The following NKAIN2 variants were observed in gnomAD, a reference collection of about 807,000 sequenced individuals.
NKAIN2 encodes the protein sodium/potassium transporting ATPase interacting 2.
A neutral mutation model predicts 32.6 loss-of-function variants in NKAIN2; 14 were observed. That is an observed-to-expected ratio of 0.43 (90% CI 0.28 to 0.67). NKAIN2 has a LOEUF of 0.67. Ranked by LOEUF, NKAIN2 falls within the 30% of genes least tolerant of loss-of-function variation. The probability of loss-of-function intolerance (pLI) is 0.17; values close to 1 mark genes in which losing one functional copy is unlikely to be tolerated. For missense variants in NKAIN2, 198 were observed against 258.3 expected (o/e 0.77, Z 1.60); for synonymous variants, 80 against 87.2 (o/e 0.92, Z 0.46).
rs568315182 is a variant in NKAIN2, at chr6:124,765,708, G to A, written c.475-25631G>A. Among the ~76,000 whole-genome samples the A allele has an allele frequency of 4.0e-3, 604 of 152,308 alleles. 3 individuals are homozygous for A. The highest frequency in any genetic ancestry group is 6.7e-3 in the Non-Finnish European group (453 of 68,024). On this transcript the variant is annotated intron_variant, in intron 4 of 6. Transcript: ENST00000368417. ...TTGGTAGATACTGAATTTCTCTGCAGAAGTTCCTTCTATTGTGTACCACCA... is the reference window on the plus strand; with the variant it reads ...TTGGTAGATACTGAATTTCTCTGCAAAAGTTCCTTCTATTGTGTACCACCA...
chr6:123,939,394 A>G (rs2114548440), intron 1 of NKAIN2, among the ~76,000 whole-genome samples: 2 of 152,042 alleles, frequency 1.3e-5, no homozygotes, highest in South Asian at 4.1e-4. Flanking sequence ...TATCCTCATA[A>G]CCCATTTACT....
At chr6:123,938,686 G>A (rs1169110759) in intron 1 of NKAIN2, among the ~76,000 whole-genome samples, 1 of 145,870 alleles carries the variant, frequency 6.9e-6, no homozygotes. Context: ...TGCATTTATT[G>A]ACTATTGCAA....
chr6:124,632,347 A>AAGTT (rs1240649813), intron 3 of NKAIN2, among the ~76,000 whole-genome samples: 4 of 152,182 alleles, frequency 2.6e-5, no homozygotes, highest in African/African-American at 9.7e-5. Flanking sequence ...AAGAAGGCAT[A>AAGTT]AGTTATGGCT....
intron 2 of NKAIN2, among the ~76,000 whole-genome samples, chr6:124,322,397 TA>T (rs771836714): frequency 5.9e-5 from 9 of 152,308 alleles, no homozygotes; most frequent in South Asian, 2.1e-4. Context: ...ATATTCTATT[TA>T]ACTATAGCGC....
chr6:123,923,155 C>T (rs1189000607), intron 1 of NKAIN2, among the ~76,000 whole-genome samples: 1 of 152,010 alleles, frequency 6.6e-6, no homozygotes, highest in African/African-American at 2.4e-5. Context: ...AAAAAAAACC[C>T]ACAAACACCT....
rs374716396 is a variant in NKAIN2 at position 124,385,224 on chromosome 6, G to A, written c.273+29877G>A. Among the ~76,000 whole-genome samples the A allele has an allele frequency of 3.3e-5, 5 of 152,196 alleles. No homozygotes were observed. In the East Asian group the frequency reaches 7.7e-4, roughly 24 times the overall value. On this transcript the variant is annotated intron_variant, in intron 3 of 6. Transcript: ENST00000368417. ...TAAAAAGTTCTGTTGGACATTTAAA[G>A]GCCAATTGGAGGGCAATGCCATCAG...
chr6:124,074,993 G>A (rs1178649827), intron 1 of NKAIN2, among the ~76,000 whole-genome samples: 1 of 152,060 alleles, frequency 6.6e-6, no homozygotes, highest in Admixed American at 6.5e-5. Flanking sequence ...GTTAATATTA[G>A]AATAATGAAG....
intron 1 of NKAIN2, among the ~76,000 whole-genome samples, chr6:123,867,970 G>C (rs911934265): frequency 5.3e-5 from 8 of 150,656 alleles, no homozygotes. Context: ...CCAGGTTCAT[G>C]CCATTCTCCT....
chr6:124,587,187 AC>A (rs1311923163), intron 3 of NKAIN2, among the ~76,000 whole-genome samples: 1 of 152,130 alleles, frequency 6.6e-6, no homozygotes. Flanking sequence ...AAGAACCAAA[AC>A]TTTTTTTGTT....
intron 3 of NKAIN2, among the ~76,000 whole-genome samples, chr6:124,454,349 T>C (rs1263595010): frequency 6.6e-6 from 1 of 151,886 alleles, no homozygotes; most frequent in African/African-American, 2.4e-5. Flanking sequence ...TAAATAAAAT[T>C]GTAGAGGTGA....
intron 2 of NKAIN2, among the ~76,000 whole-genome samples, chr6:124,302,884 G>T (rs1438827198): frequency 6.6e-6 from 1 of 152,148 alleles, no homozygotes; most frequent in Admixed American, 6.6e-5. Flanking sequence ...TCTAAGAAAG[G>T]TATCAAAATA....
chr6:123,959,761 T>A (rs1458771298), intron 1 of NKAIN2, among the ~76,000 whole-genome samples: 2 of 151,770 alleles, frequency 1.3e-5, no homozygotes, highest in Non-Finnish European at 2.9e-5. Context: ...CTAGAAGACA[T>A]GTCTCATGAT....
chr6:123,847,302 T>C (rs1775133591), intron 1 of NKAIN2, among the ~76,000 whole-genome samples: 1 of 152,346 alleles, frequency 6.6e-6, no homozygotes, highest in Non-Finnish European at 1.5e-5. Context: ...CAGTAATGGC[T>C]TCATTTTCCT....
intron 3 of NKAIN2, among the ~76,000 whole-genome samples, chr6:124,444,080 G>A (rs1009027343): frequency 6.6e-6 from 1 of 151,998 alleles, no homozygotes; most frequent in South Asian, 2.1e-4. Context: ...AATAAAGGGA[G>A]GATTTTGTAT....
At chr6:124,743,045 G>A (rs1293310674) in intron 4 of NKAIN2, among the ~76,000 whole-genome samples, 1 of 151,908 alleles carries the variant, frequency 6.6e-6, no homozygotes, top group African/African-American at 2.4e-5. Flanking sequence ...AGTGTGTCCA[G>A]CACATTGTAG....
chr6:123,875,091 T>C (rs560963266), intron 1 of NKAIN2, among the ~76,000 whole-genome samples: 1 of 152,172 alleles, frequency 6.6e-6, no homozygotes, highest in Admixed American at 6.5e-5. Flanking sequence ...CCATAATATA[T>C]TTGTCCTGTT....
chr6:124,464,999 A>C (rs1776687384), intron 3 of NKAIN2, among the ~76,000 whole-genome samples: 1 of 152,076 alleles, frequency 6.6e-6, no homozygotes, highest in African/African-American at 2.4e-5. Flanking sequence ...CCTATCCATG[A>C]GCGTGTACTG....
At chr6:124,301,164 T>C (rs1348581735) in intron 2 of NKAIN2, among the ~76,000 whole-genome samples, 1 of 152,158 alleles carries the variant, frequency 6.6e-6, no homozygotes, top group Non-Finnish European at 1.5e-5. Flanking sequence ...CTAGTCACTC[T>C]AGCTGTGGCT....
At chr6:124,025,378 A>C (rs1351726840) in intron 1 of NKAIN2, among the ~76,000 whole-genome samples, 1 of 152,046 alleles carries the variant, frequency 6.6e-6, no homozygotes, top group Admixed American at 6.6e-5. Context: ...GCTCTAGAGG[A>C]ATGGTGATAT....
Sources: gnomAD v4.1 joint callset for allele counts (sites outside exome capture counted in the v4.1 genomes callset) on GRCh38, gnomAD v4.1.1 for gene constraint, MANE v1.5 for transcripts, NCBI Gene and HGNC (gene_info 2026-07-23, HGNC 2026-07-21) for gene names.